Variants in TOM1L2 observed in about 807,000 individuals in gnomAD.
The protein encoded by TOM1L2 is target of myb1 like 2 membrane trafficking protein.
A neutral mutation model predicts 67.9 loss-of-function variants in TOM1L2; 31 were observed. The ratio of observed to expected loss-of-function variants is 0.46; its 90% CI spans 0.34 to 0.62. The LOEUF is 0.62. Among genes scored for constraint, TOM1L2 ranks in the 20% least tolerant of loss-of-function variants. The probability of loss-of-function intolerance (pLI) is 0.01; values close to 1 mark genes in which losing one functional copy is unlikely to be tolerated. For synonymous variants in TOM1L2, 256 were observed against 254.0 expected, an observed-to-expected ratio of 1.01 and a Z score of -0.07; for missense variants, 606 against 663.5, an observed-to-expected ratio of 0.91 and a Z score of 0.95.
chr17:17,849,535 A>C (rs1442242242), intron 13 of TOM1L2, among the ~76,000 whole-genome samples: 1 of 152,212 alleles, frequency 6.6e-6, no homozygotes, highest in Non-Finnish European at 1.5e-5. Flanking sequence ...GGCTCTGTGC[A>C]CTCAAAAATT....
At chr17:17,953,254 T>C (rs1261604641) in intron 1 of TOM1L2, among the ~76,000 whole-genome samples, 1 of 152,162 alleles carries the variant, frequency 6.6e-6, no homozygotes, top group Non-Finnish European at 1.5e-5. Flanking sequence ...CACTCCAGCC[T>C]GGGCAACAGA....
At chr17:17,942,992 C>T (rs2040798075) in intron 1 of TOM1L2, among the ~76,000 whole-genome samples, 1 of 151,936 alleles carries the variant, frequency 6.6e-6, no homozygotes, top group Admixed American at 6.6e-5. Context: ...TAATATGATG[C>T]CTGGAATCTG....
At chr17:17,879,593 A>G in intron 7 of TOM1L2, 34 bp downstream of exon 7, 1 of 1,563,108 alleles carries the variant, frequency 6.4e-7, no homozygotes, top group South Asian at 1.1e-5. Context: ...AAGAGCTGCC[A>G]CCACAGGCCA....
chr17:17,918,727 T>C (rs559474471), intron 1 of TOM1L2, among the ~76,000 whole-genome samples: 3 of 152,310 alleles, frequency 2.0e-5, no homozygotes, highest in East Asian at 1.9e-4. Context: ...CAGCACCTGA[T>C]AGTACAGTTC....
At chr17:17,894,892 T>C (rs570293006) in intron 3 of TOM1L2, among the ~76,000 whole-genome samples, 18 of 152,166 alleles carry the variant, frequency 1.2e-4, no homozygotes, top group African/African-American at 4.1e-4. Flanking sequence ...GATCGCGCCA[T>C]TGCACTCCAG....
chr17:17,927,922 C>G (rs2040161715), intron 1 of TOM1L2, among the ~76,000 whole-genome samples: 1 of 152,086 alleles, frequency 6.6e-6, no homozygotes, highest in South Asian at 2.1e-4. Flanking sequence ...CACACCCAGT[C>G]AGCTATACTT....
chr17:17,925,726 A>G (rs2040054996), intron 1 of TOM1L2, among the ~76,000 whole-genome samples: 1 of 150,612 alleles, frequency 6.6e-6, no homozygotes. Context: ...GTGGTAACGC[A>G]TGCCTATAGT....
intron 7 of TOM1L2, among the ~76,000 whole-genome samples, chr17:17,873,365 A>G (rs1235724480): frequency 2.0e-5 from 3 of 151,564 alleles, no homozygotes; most frequent in Non-Finnish European, 4.4e-5. Flanking sequence ...GGGATCTCCC[A>G]CCACCCCACC....
intron 1 of TOM1L2, among the ~76,000 whole-genome samples, chr17:17,970,526 G>A (rs1031390019): frequency 9.2e-5 from 14 of 152,184 alleles, no homozygotes; most frequent in Admixed American, 7.2e-4. Context: ...TTTGGAGTGT[G>A]GCTGCCATGC....
intron 6 of TOM1L2, among the ~76,000 whole-genome samples, chr17:17,880,280 T>C (rs530430985): frequency 6.6e-6 from 1 of 152,268 alleles, no homozygotes; most frequent in Admixed American, 6.5e-5. Flanking sequence ...GCGGCAAGAA[T>C]GAGAGAACAG....
At chr17:17,903,612 C>CAAAA (rs111261278) in intron 2 of TOM1L2, among the ~76,000 whole-genome samples, 1 of 73,592 alleles carries the variant, frequency 1.4e-5, no homozygotes, top group Non-Finnish European at 2.7e-5. Context: ...GACTCCATCT[C>CAAAA]AAAAAAAAAA....
At chr17:17,947,901 ATT>A (rs963946515) in intron 1 of TOM1L2, among the ~76,000 whole-genome samples, 1 of 151,366 alleles carries the variant, frequency 6.6e-6, no homozygotes, top group Admixed American at 6.6e-5. Flanking sequence ...TCTTTGTTCT[ATT>A]TTTTTTTAAA....
intron 12 of TOM1L2, among the ~76,000 whole-genome samples, chr17:17,854,267 T>TG (rs2143573623): frequency 6.6e-6 from 1 of 152,216 alleles, no homozygotes; most frequent in South Asian, 2.1e-4. Context: ...AAAGAAACTG[T>TG]GGGAGGCCGA....
At chr17:17,918,540 G>A (rs1171850780) in intron 1 of TOM1L2, among the ~76,000 whole-genome samples, 1 of 152,110 alleles carries the variant, frequency 6.6e-6, no homozygotes, top group African/African-American at 2.4e-5. Flanking sequence ...TTGCAAGAGG[G>A]TGAAAACAGG....
chr17:17,908,886 AAC>A (rs1404289051), intron 1 of TOM1L2, among the ~76,000 whole-genome samples: 1 of 152,218 alleles, frequency 6.6e-6, no homozygotes, highest in African/African-American at 2.4e-5. Flanking sequence ...CGGTAGTTAA[AAC>A]ACAGAATTAC....
intron 1 of TOM1L2, among the ~76,000 whole-genome samples, chr17:17,950,468 T>C (rs8078105): frequency 0.49 from 74,067 of 151,710 alleles, 19,116 homozygotes; most frequent in East Asian, 0.86. Flanking sequence ...CTCTCTTTTT[T>C]TTTTTTTTAG....
chr17:17,854,547 C>CA (rs1311686062), intron 12 of TOM1L2, among the ~76,000 whole-genome samples: 7 of 152,000 alleles, frequency 4.6e-5, no homozygotes, highest in Admixed American at 1.3e-4. Flanking sequence ...TATTTAGAGA[C>CA]AGAGTCTTGC....
intron 12 of TOM1L2, among the ~76,000 whole-genome samples, chr17:17,857,103 T>G (rs2143625155): frequency 6.6e-6 from 1 of 152,220 alleles, no homozygotes; most frequent in African/African-American, 2.4e-5. Context: ...TACAGGCACA[T>G]GCCACCACAC....
intron 1 of TOM1L2, among the ~76,000 whole-genome samples, chr17:17,930,515 G>C (rs527987822): frequency 2.7e-4 from 41 of 152,214 alleles, no homozygotes; most frequent in Middle Eastern, 3.4e-3. Flanking sequence ...TTGTCCAAGA[G>C]ATAAAATACC....
Sources: gnomAD v4.1 joint callset for allele counts (sites outside exome capture counted in the v4.1 genomes callset) on GRCh38, gnomAD v4.1.1 for gene constraint, MANE v1.5 for transcripts, NCBI Gene and HGNC (gene_info 2026-07-23, HGNC 2026-07-21) for gene names.